Variants in GLE1 observed in about 807,000 individuals in gnomAD.
The protein encoded by GLE1 is mRNA export factor GLE1.
Under a neutral mutation model 97.3 loss-of-function variants are expected in GLE1, and 78 were observed. The observed-to-expected ratio is 0.80, with a 90% confidence interval of 0.67 to 0.97. The LOEUF is 0.97. Among genes scored for constraint, GLE1 ranks in the 50% least tolerant of loss-of-function variants. GLE1 has a pLI of 0.00. For missense variants in GLE1, 753 were observed against 857.5 expected, an observed-to-expected ratio of 0.88 and a Z score of 1.52; for synonymous variants, 302 against 313.4, an observed-to-expected ratio of 0.96 and a Z score of 0.39.
intron 11 of GLE1, among the ~76,000 whole-genome samples, chr9:128,536,102 G>C (rs944032747): frequency 1.3e-5 from 2 of 152,034 alleles, no homozygotes; most frequent in African/African-American, 4.8e-5. Flanking sequence ...ATGCAATCTT[G>C]ACTCACTGCA....
rs149283232 is a variant in GLE1 at position 128,518,516 on chromosome 9, G to A, written c.432+2877G>A. Among the ~76,000 whole-genome samples the A allele has an allele frequency of 4.3e-3, 649 of 152,014 alleles. 7 individuals carry two copies. Among genetic ancestry groups the A allele is most frequent in the African/African-American group, 0.015 (621 of 41,448 alleles). On this transcript the variant is annotated intron_variant, in intron 3 of 15. Coordinates refer to ENST00000309971, the MANE Select transcript of GLE1 (RefSeq NM_001003722.2). The stretch of plus-strand genomic sequence containing the variant: ...GTGGAGGTTGCAGTGAGCCAAAATC[G>A]CACCACTGTACTCCAGCCTGGGTGA...
intron 2 of GLE1, among the ~76,000 whole-genome samples, chr9:128,513,580 C>T (rs1846887038): frequency 6.6e-6 from 1 of 151,910 alleles, no homozygotes; most frequent in Admixed American, 6.6e-5. Flanking sequence ...CATGATGGCT[C>T]ATGCCTACGG....
At chr9:128,520,560 C>T (rs187638717) in intron 3 of GLE1, among the ~76,000 whole-genome samples, 5 of 151,772 alleles carry the variant, frequency 3.3e-5, no homozygotes, top group East Asian at 1.9e-4. Context: ...AACATTTAGC[C>T]GGTAGCTCCG....
chr9:128,521,982 C>T (rs1417418126), intron 3 of GLE1, among the ~76,000 whole-genome samples: 2 of 152,054 alleles, frequency 1.3e-5, no homozygotes, highest in Non-Finnish European at 1.5e-5. Context: ...AGAAAATCTT[C>T]GAGGCAGAGA....
At chr9:128,510,381 A>C (rs1564142672) in intron 2 of GLE1, among the ~76,000 whole-genome samples, 1 of 151,686 alleles carries the variant, frequency 6.6e-6, no homozygotes, top group African/African-American at 2.4e-5. Flanking sequence ...GGCACCCACT[A>C]TCACGCCCGG....
At position 128,542,065 on chromosome 9, in the gene GLE1, C is replaced by T. The variant is rs1022423981; in HGVS notation, c.*895C>T. The T allele has an allele frequency of 1.3e-5, 2 of 152,100 alleles. No individual in the cohort carries two copies. The highest frequency in any genetic ancestry group is 4.8e-5 in the African/African-American group (2 of 41,416). The allele number at this position is 152,100 out of a possible 1,614,324, so 9.4% of individuals were successfully genotyped here. A position where few individuals can be genotyped will look rare whatever the true frequency, so the allele number is the denominator to read the frequency against. On this transcript the variant is annotated 3_prime_UTR_variant, in exon 16 of 16. Transcript: ENST00000309971. ...CCTGACTAAAGCCACTACAGAAATC[C>T]AGAGATTGGCTGTTAAAATTTGTTT...
intron 3 of GLE1, among the ~76,000 whole-genome samples, chr9:128,517,765 T>A (rs1453785995): frequency 1.3e-5 from 2 of 152,192 alleles, no homozygotes; most frequent in African/African-American, 4.8e-5. Flanking sequence ...ATTGAAAAAA[T>A]ATATATGTAT....
In GLE1 at chr9:128,533,823, A is replaced by T; in HGVS notation, c.1518A>T (p.Ala506=). The T allele has an allele frequency of 6.2e-7, 1 of 1,614,060 alleles. No homozygotes were observed. The highest frequency in any genetic ancestry group is 1.1e-5 in the South Asian group (1 of 91,082). The change falls in exon 11 of 16, where the codon GCA becomes GCT. Residue 506 remains alanine (A), a synonymous_variant. Transcript: ENST00000309971. ...CAGCATTCCCCATTGCAGTTGTGGC[A>T]TCCGGGATCTGGGAGCTCCACCCCA... ...HEAAFPIAVV[A]SGIWELHPRV...
At chr9:128,518,912 A>T (rs560505070) in intron 3 of GLE1, among the ~76,000 whole-genome samples, 1 of 151,970 alleles carries the variant, frequency 6.6e-6, no homozygotes, top group Non-Finnish European at 1.5e-5. Flanking sequence ...AGGGACCCCA[A>T]ATGGAGGGAC....
At chr9:128,505,186 A>G (rs1441822136) in intron 1 of GLE1, among the ~76,000 whole-genome samples, 3 of 152,086 alleles carry the variant, frequency 2.0e-5, no homozygotes, top group African/African-American at 7.2e-5. Flanking sequence ...GCTGTTGTCA[A>G]AGCAATCTCG....
chr9:128,528,143 T>C (rs1847363765), intron 9 of GLE1, among the ~76,000 whole-genome samples: 1 of 150,174 alleles, frequency 6.7e-6, no homozygotes, highest in African/African-American at 2.4e-5. Flanking sequence ...TAGCTGGGAC[T>C]ACAGGCGCCC....
chr9:128,520,436 A>G (rs879829557), intron 3 of GLE1, among the ~76,000 whole-genome samples: 3 of 146,774 alleles, frequency 2.0e-5, no homozygotes, highest in Non-Finnish European at 3.0e-5. Flanking sequence ...ATGTATATAT[A>G]TGTATATATA....
chr9:128,517,289 CAA>C (rs1239891187), intron 3 of GLE1, among the ~76,000 whole-genome samples: 4 of 138,660 alleles, frequency 2.9e-5, no homozygotes, highest in African/African-American at 5.3e-5. Context: ...TACTTTATCT[CAA>C]AAAAAAAAAA....
At chr9:128,512,729 G>T (rs1402445348) in intron 2 of GLE1, among the ~76,000 whole-genome samples, 1 of 151,806 alleles carries the variant, frequency 6.6e-6, no homozygotes, top group South Asian at 2.1e-4. Flanking sequence ...GTGCAATGGC[G>T]TGATCTCGAC....
chr9:128,527,280 A>C lies in GLE1; in HGVS notation c.1231A>C (p.Lys411Gln). Residue 411 changes from lysine to glutamine, a missense_variant, in exon 8 of 16, where the codon AAG becomes CAG. Transcript: ENST00000309971. The stretch of plus-strand genomic sequence containing the variant: ...GACCTTTGAGGGCCTGACCAACAGC[A>C]AGGACAGTCAGGTAGGGGAGAGGTA... ...VLTFEGLTNS[K>Q]DSQAKKIKMD... is the part of the protein sequence containing the mutation. 1 of 1,585,032 alleles carries C rather than the reference A, an allele frequency of 6.3e-7. No homozygotes were observed. Among genetic ancestry groups the C allele is most frequent in the Non-Finnish European group, 8.7e-7 (1 of 1,153,410 alleles).
rs937736030 is a variant in GLE1 at position 128,541,876 on chromosome 9, C to T, written c.*706C>T. 6.6e-6 allele frequency: 1 copy of T among 152,122 alleles called. No homozygotes were observed. The highest frequency in any genetic ancestry group is 1.5e-5 in the Non-Finnish European group (1 of 68,066). The allele number at this position is 152,122 out of a possible 1,614,324, so 9.4% of individuals were successfully genotyped here. On this transcript the variant is annotated 3_prime_UTR_variant, in exon 16 of 16. Coordinates refer to ENST00000309971, the MANE Select transcript of GLE1 (RefSeq NM_001003722.2). ...AGGGATCCATGAACCAGGCAGGTAC[C>T]TTTTTTGTTTTTGTTTTGTTTTGTT... is the stretch of plus-strand genomic sequence containing the variant.
At position 128,504,749 on chromosome 9, in the gene GLE1, T is replaced by G; in HGVS notation, c.-57T>G. 2 of 1,212,396 alleles carry G rather than the reference T, an allele frequency of 1.6e-6. No homozygotes were observed. The highest frequency in any genetic ancestry group is 2.4e-6 in the Non-Finnish European group (2 of 817,228). The allele number at this position is 1,212,396 out of a possible 1,614,324, so 75.1% of individuals were successfully genotyped here. On this transcript the variant is annotated 5_prime_UTR_variant, in exon 1 of 16. Transcript: ENST00000309971. Reference sequence around the variant, plus strand: ...CCTGTGTGGCCTTCCCGGCGGCTGATTCGAGGGCTTGTTTGGTCAGAAGGG... The same window carrying G: ...CCTGTGTGGCCTTCCCGGCGGCTGAGTCGAGGGCTTGTTTGGTCAGAAGGG...
At chr9:128,537,678 T>C (rs1335985325) in intron 12 of GLE1, among the ~76,000 whole-genome samples, 1 of 151,924 alleles carries the variant, frequency 6.6e-6, no homozygotes. Flanking sequence ...CGGTGGCATG[T>C]GCATGCCTGT....
At chr9:128,505,123 C>G (rs1846603144) in intron 1 of GLE1, among the ~76,000 whole-genome samples, 1 of 152,186 alleles carries the variant, frequency 6.6e-6, no homozygotes, top group African/African-American at 2.4e-5. Flanking sequence ...AGGTGCCCCG[C>G]GCTCTGAAGG....
Sources: gnomAD v4.1 joint callset for allele counts (sites outside exome capture counted in the v4.1 genomes callset) on GRCh38, gnomAD v4.1.1 for gene constraint, MANE v1.5 for transcripts, NCBI Gene and HGNC (gene_info 2026-07-23, HGNC 2026-07-21) for gene names.